TSC2: variants seen among roughly 807,000 people sequenced by gnomAD.
TSC2 encodes tuberin.
TSC2 carries 29 observed loss-of-function variants against 202.2 expected under a neutral mutation model. The observed-to-expected ratio is 0.14, with a 90% CI of 0.11 to 0.20. The LOEUF is 0.20. Ranked by LOEUF, TSC2 falls within the 10% of genes least tolerant of loss-of-function variation. The probability of loss-of-function intolerance (pLI) is 1.00; values close to 1 mark genes in which losing one functional copy is unlikely to be tolerated. For missense variants in TSC2, 2,429 were observed against 2,420.0 expected (o/e 1.00, Z -0.08); for synonymous variants, 1,349 against 1,044.0 (o/e 1.29, Z -5.63).
rs2089847916 is a variant in TSC2, at chr16:2,079,431, G to C, written c.3284+3G>C. On this transcript the variant is annotated splice_donor_region_variant and intron_variant, in intron 28 of 41. Transcript: ENST00000219476. This position sits in a 1 kb window ranked among gnomAD's most constrained non-coding sequence, Gnocchi z 4.6. ...CTGCAGTCCGGCCCGGAGTCGAGGTGACTGCACCTTCCTTTCCTCCGCGCC... is the reference window on the plus strand; with the variant it reads ...CTGCAGTCCGGCCCGGAGTCGAGGTCACTGCACCTTCCTTTCCTCCGCGCC... 1 of 1,612,768 alleles carries C rather than the reference G, an allele frequency of 6.2e-7. No individual in the cohort carries two copies. Among genetic ancestry groups the C allele is most frequent in the Non-Finnish European group, 8.5e-7 (1 of 1,180,000 alleles).
chr16:2,079,537 G>A lies in TSC2; in HGVS notation c.3285-20G>A. 1 of 1,606,988 alleles carries A rather than the reference G, an allele frequency of 6.2e-7. No individual in the cohort carries two copies. Among genetic ancestry groups the A allele is most frequent in the Non-Finnish European group, 8.5e-7 (1 of 1,177,416 alleles). ...AGCCTGGGGACTAAGTCCACCCTGT[G>A]CGTGGGATTCTCTTCTCAGCTCCAG... is the stretch of plus-strand genomic sequence containing the variant. On this transcript the variant is annotated intron_variant, in intron 28 of 41. Coordinates refer to ENST00000219476, the MANE Select transcript of TSC2 (RefSeq NM_000548.5). The surrounding 1 kb of genome is among the most constrained non-coding windows in gnomAD (Gnocchi z 4.6).
chr16:2,061,677 G>C lies in TSC2; in HGVS notation c.1120-194G>C, dbSNP rs1039689265. The C allele has an allele frequency of 6.9e-6, 6 of 872,420 alleles. No individual in the cohort carries two copies. In the South Asian group the frequency reaches 9.0e-5, roughly 13 times the overall value. 54.0% of individuals were successfully genotyped at this position (872,420 alleles called of 1,614,324 possible). ...CACGTGGGTCAGGGTGGCCCCTGGA[G>C]AGGATCTGGGGGTGTCTCAACCCAT... On this transcript the variant is annotated intron_variant, in intron 11 of 41. Coordinates refer to ENST00000219476, the MANE Select transcript of TSC2 (RefSeq NM_000548.5).
chr16:2,077,842 C>T (rs1357354960), intron 26 of TSC2, 116 bp downstream of exon 26: 14 of 1,544,070 alleles, frequency 9.1e-6, no homozygotes, highest in Non-Finnish European at 1.2e-5. Context: ...TCCTCCCTGG[C>T]CAGCCCAGGG....
intron 16 of TSC2, 101 bp downstream of exon 16, chr16:2,065,736 C>A: frequency 2.8e-6 from 3 of 1,073,738 alleles, no homozygotes; most frequent in Non-Finnish European, 4.3e-6. Flanking sequence ...GCGGGACCCA[C>A]ACCCTCCCTG....
chr16:2,081,559 A>C (rs747891233), intron 30 of TSC2, 36 bp from the exon 31 acceptor site: 2 of 1,611,840 alleles, frequency 1.2e-6, no homozygotes, highest in South Asian at 2.2e-5. Context: ...AAGGGGAGGT[A>C]CTGGCCTCAG....
rs369052665 is a variant in TSC2 at position 2,065,412 on chromosome 16, CAAA to C, written c.1600-85_1600-83del. ...TGGGCGACAGAGCAAGACTCGATCT[CAAA>C]AAAAAAAAAAAAAAAAAAAAAGGTG... On this transcript the variant is annotated intron_variant, in intron 15 of 41. Coordinates refer to ENST00000219476, the MANE Select transcript of TSC2 (RefSeq NM_000548.5). 0.028 allele frequency: 11,577 copies of C among 407,462 alleles called. 8 individuals are homozygous for C. The highest frequency in any genetic ancestry group is 0.059 in the African/African-American group (1,810 of 30,660). 25.2% of individuals were successfully genotyped at this position (407,462 alleles called of 1,614,324 possible).
chr16:2,086,980 G>A (rs2090890909), intron 38 of TSC2, 109 bp downstream of exon 38: 1 of 1,506,410 alleles, frequency 6.6e-7, no homozygotes, highest in African/African-American at 1.4e-5. Context: ...GGAGCAGGAG[G>A]AGAGGCCGCA....
rs2089910530 is a variant in TSC2 at position 2,079,872 on chromosome 16, G to A, written c.3397+203G>A. 1.3e-5 allele frequency among the ~76,000 whole-genome samples: 2 copies of A among 152,206 alleles called. No individual in the cohort carries two copies. Among genetic ancestry groups the A allele is most frequent in the South Asian group, 2.1e-4 (1 of 4,834 alleles). ...AGTGTGGCCCGCTTGCTGCAGAGGGGCCTGCTCTGGGTGCTGGTGTTTCCT... is the reference window on the plus strand; with the variant it reads ...AGTGTGGCCCGCTTGCTGCAGAGGGACCTGCTCTGGGTGCTGGTGTTTCCT... On this transcript the variant is annotated intron_variant, in intron 29 of 41. Transcript: ENST00000219476. The surrounding 1 kb of genome is among the most constrained non-coding windows in gnomAD (Gnocchi z 4.6).
intron 10 of TSC2, 56 bp downstream of exon 10, chr16:2,058,929 C>G: frequency 1.3e-6 from 2 of 1,577,260 alleles, no homozygotes; most frequent in Non-Finnish European, 1.7e-6. Flanking sequence ...TCCCCTCACG[C>G]CTGCCCACCC....
rs139486245 is a variant in TSC2 at position 2,088,611 on chromosome 16, G to A, written c.*1G>A. On this transcript the variant is annotated 3_prime_UTR_variant, in exon 42 of 42. Coordinates refer to ENST00000219476, the MANE Select transcript of TSC2 (RefSeq NM_000548.5). ...GGAGGACTTCACCGAGTTTGTGTGAGGCCGGGGCCCTCCCTCCTGCACTGG... is the reference window on the plus strand; with the variant it reads ...GGAGGACTTCACCGAGTTTGTGTGAAGCCGGGGCCCTCCCTCCTGCACTGG... 7.5e-6 allele frequency: 12 copies of A among 1,601,722 alleles called. No homozygotes were observed. Among genetic ancestry groups the A allele is most frequent in the Non-Finnish European group, 9.3e-6 (11 of 1,179,412 alleles).
intron 29 of TSC2, 120 bp from the exon 30 acceptor site, chr16:2,080,045 G>T (rs1357120942): frequency 7.9e-6 from 11 of 1,384,864 alleles, no homozygotes; most frequent in African/African-American, 2.8e-5. Flanking sequence ...GGGCAGAGCT[G>T]CCACCGTCTC....
At position 2,080,528 on chromosome 16, in the gene TSC2, C is replaced by G. The variant is rs575415192; in HGVS notation, c.3610+151C>G. 4.3e-4 allele frequency: 385 copies of G among 885,964 alleles called. 1 individual carries two copies. The highest frequency in any genetic ancestry group is 1.4e-3 in the East Asian group (51 of 37,256). The allele number at this position is 885,964 out of a possible 1,614,324, so 54.9% of individuals were successfully genotyped here. ...AGACAGAGTCTTGCTCTGTGGCCCA[C>G]GCTGGAACGCAGTGGCGCAATCTCG... On this transcript the variant is annotated intron_variant, in intron 30 of 41. Transcript: ENST00000219476.
At chr16:2,070,203 C>G (rs925824722) in intron 16 of TSC2, among the ~76,000 whole-genome samples, 6 of 152,210 alleles carry the variant, frequency 3.9e-5, no homozygotes, top group Non-Finnish European at 7.3e-5. Flanking sequence ...TGCCACGCAG[C>G]TGGAGCTTCT....
intron 1 of TSC2, 21 bp from the exon 2 acceptor site, chr16:2,048,566 A>C (rs1217823539): frequency 1.2e-6 from 2 of 1,613,208 alleles, no homozygotes; most frequent in Non-Finnish European, 1.7e-6. Flanking sequence ...AGATGTCCCC[A>C]TTCCTGTTTC....
At chr16:2,082,268 C>T (rs2090234495) in intron 31 of TSC2, 168 bp from the exon 32 acceptor site, 1 of 747,802 alleles carries the variant, frequency 1.3e-6, no homozygotes, top group Non-Finnish European at 2.3e-6. Context: ...CACTGCCCTC[C>T]TCAGGTCTGC....
intron 26 of TSC2, among the ~76,000 whole-genome samples, chr16:2,078,016 G>C (rs1182821228): frequency 6.6e-6 from 1 of 152,234 alleles, no homozygotes; most frequent in Non-Finnish European, 1.5e-5. Flanking sequence ...CGCAGTGTGG[G>C]TTGGGGGAGA....
rs1060504121 is a variant in TSC2, at chr16:2,080,215, C to G, written c.3448C>G (p.Leu1150Val). The G allele has an allele frequency of 6.2e-7, 1 of 1,612,994 alleles. No homozygotes were observed. The highest frequency in any genetic ancestry group is 1.1e-5 in the South Asian group (1 of 91,092). The change falls in exon 30 of 42, where the codon CTG (leucine) becomes GTG (valine). Residue 1150 changes from leucine to valine, a missense_variant. Transcript: ENST00000219476. ...CCTGGACGTGCCGGCCTCCCAGTTC[C>G]TGGGCAGTGCCACTTCTCCAGGACC... The part of the protein sequence containing the change: ...GALDVPASQF[L>V]GSATSPGPRT...
In TSC2 at chr16:2,074,311, C is replaced by T. The variant is rs554509064; in HGVS notation, c.2467C>T (p.Leu823=). 5.6e-6 allele frequency: 9 copies of T among 1,613,110 alleles called. No individual in the cohort carries two copies. In the Admixed American group the frequency reaches 8.3e-5, roughly 15 times the overall value. The change falls in exon 22 of 42, where the codon CTG becomes TTG. Residue 823 remains leucine, a synonymous_variant. Transcript: ENST00000219476. ...VEMPDIIIKA[L]PVLVVKLTHI... is the part of the protein sequence containing the mutation. ...GATGCCTGACATCATCATCAAGGCG[C>T]TGCCTGTTCTGGTGGTGAAGCTCAC...
intron 10 of TSC2, among the ~76,000 whole-genome samples, chr16:2,059,338 CTTTTTTTTT>C (rs1180610775): frequency 5.6e-5 from 7 of 124,700 alleles, no homozygotes; most frequent in East Asian, 2.2e-4. Flanking sequence ...TTCTCTCTCT[CTTTTTTTTT>C]TTTTTTTTTT....
Sources: allele counts gnomAD v4.1 joint callset (sites outside exome capture counted in the v4.1 genomes callset), GRCh38; gene constraint gnomAD v4.1.1; non-coding constraint Gnocchi (gnomAD v3.1); transcripts MANE v1.5; gene names NCBI Gene and HGNC (gene_info 2026-07-23, HGNC 2026-07-21).